Variants in CDCA4 observed in about 807,000 individuals in gnomAD.
CDCA4 encodes the protein cell division cycle associated 4, also known as cell division cycle-associated protein 4.
For synonymous variants in CDCA4, 130 were observed against 137.0 expected, an observed-to-expected ratio of 0.95 and a Z score of 0.36; for missense variants, 294 against 322.1, an observed-to-expected ratio of 0.91 and a Z score of 0.67.
intron 1 of CDCA4, 21 bp from the exon 2 acceptor site, chr14:105,011,956 A>T: frequency 6.3e-7 from 1 of 1,576,942 alleles, no homozygotes; most frequent in Non-Finnish European, 8.6e-7. Context: ...CAAGGAAGAC[A>T]CCACTTAGCA....
rs543504371 is a variant in CDCA4, at chr14:105,011,283, G to T, written c.647C>A (p.Ala216Asp). The change falls in exon 2 of 2, where the codon GCC becomes GAC. Residue 216 changes from alanine (A) to aspartate (D), a missense_variant. Ala to Asp is a moderately radical substitution (Grantham distance 126). Transcript: ENST00000336219. ...PCEGLEGLAP[A>D]TPGPSSSCKS... ...GCAGCTGGAGCTAGGGCCTGGGGTG[G>T]CCGGAGCCAAGCCCTCGAGCCCTTC... The T allele has an allele frequency of 1.2e-6, 2 of 1,613,756 alleles. No individual in the cohort carries two copies. The highest frequency in any genetic ancestry group is 1.7e-5 in the Admixed American group (1 of 60,012).
intron 1 of CDCA4, among the ~76,000 whole-genome samples, chr14:105,015,322 G>A (rs1207743521): frequency 1.6e-5 from 1 of 64,290 alleles, no homozygotes; most frequent in African/African-American, 3.6e-5. Flanking sequence ...ATACGTGACC[G>A]TCAGAAATCA....
Position 105,010,047 on chromosome 14 carries a change from A to T in CDCA4, c.*1157T>A, listed in dbSNP as rs1207188502. On this transcript the variant is annotated 3_prime_UTR_variant, in exon 2 of 2. Transcript: ENST00000336219. ...TTTTTGGTTAAGGGGTGAGGAAGTT[A>T]GAGAAAGCATGAGAAACAGGGAGCA... 1 of 152,586 alleles carries T rather than the reference A, an allele frequency of 6.6e-6. No homozygotes were observed. The highest frequency in any genetic ancestry group is 1.5e-5 in the Non-Finnish European group (1 of 68,062). 9.5% of individuals were successfully genotyped at this position (152,586 alleles called of 1,614,324 possible).
chr14:105,017,453 A>G (rs1900682238), intron 1 of CDCA4, among the ~76,000 whole-genome samples: 2 of 151,990 alleles, frequency 1.3e-5, no homozygotes, highest in African/African-American at 4.8e-5. Flanking sequence ...CGAACTCCTG[A>G]CATCAAGTGA....
chr14:105,019,606 G>A (rs1326904477), intron 1 of CDCA4, among the ~76,000 whole-genome samples: 2 of 152,262 alleles, frequency 1.3e-5, no homozygotes, highest in Non-Finnish European at 2.9e-5. Context: ...AGGGAGAAGA[G>A]GAGCAAGGTC....
intron 1 of CDCA4, among the ~76,000 whole-genome samples, chr14:105,019,567 T>C (rs2140912447): frequency 6.6e-6 from 1 of 152,350 alleles, no homozygotes; most frequent in Non-Finnish European, 1.5e-5. Context: ...ACACATCAGA[T>C]AAGCTTTGAA....
chr14:105,013,397 T>G (rs1900557408), intron 1 of CDCA4, among the ~76,000 whole-genome samples: 1 of 152,248 alleles, frequency 6.6e-6, no homozygotes, highest in Non-Finnish European at 1.5e-5. Context: ...TCACGCATGA[T>G]TAAGTTTCTC....
chr14:105,019,638 G>A (rs1253264967), intron 1 of CDCA4, among the ~76,000 whole-genome samples: 1 of 152,230 alleles, frequency 6.6e-6, no homozygotes, highest in Non-Finnish European at 1.5e-5. Flanking sequence ...GTACTGAGTG[G>A]GAGCTCCACC....
At chr14:105,012,050 G>C in intron 1 of CDCA4, 115 bp from the exon 2 acceptor site, 1 of 1,238,142 alleles carries the variant, frequency 8.1e-7, no homozygotes, top group Non-Finnish European at 1.1e-6. Flanking sequence ...CTCCGTAACT[G>C]GCAGGGACTT....
intron 1 of CDCA4, among the ~76,000 whole-genome samples, chr14:105,018,301 C>T (rs115827237): frequency 0.015 from 2,265 of 152,172 alleles, 47 homozygotes; most frequent in African/African-American, 0.051. Flanking sequence ...TATCCCTGTT[C>T]AGTCACTTCA....
chr14:105,020,207 T>C (rs111573891), intron 1 of CDCA4, among the ~76,000 whole-genome samples: 32 of 152,244 alleles, frequency 2.1e-4, no homozygotes, highest in African/African-American at 7.2e-4. Flanking sequence ...CACTTGAAAA[T>C]AGAGTGGTTG....
chr14:105,020,663 C>T (rs1192019201), intron 1 of CDCA4, among the ~76,000 whole-genome samples: 2 of 152,210 alleles, frequency 1.3e-5, no homozygotes, highest in African/African-American at 2.4e-5. Flanking sequence ...CCGCTGCGTA[C>T]CCCAGCCGGG....
chr14:105,012,019 A>G, intron 1 of CDCA4, 84 bp from the exon 2 acceptor site: 4 of 1,474,276 alleles, frequency 2.7e-6, no homozygotes, highest in Non-Finnish European at 3.6e-6. Flanking sequence ...GACTGCCCTC[A>G]CTGTACGCAA....
intron 1 of CDCA4, 23 bp from the exon 2 acceptor site, chr14:105,011,958 C>G (rs748796689): frequency 4.4e-6 from 7 of 1,575,306 alleles, no homozygotes; most frequent in Non-Finnish European, 5.2e-6. Context: ...AGGAAGACAC[C>G]ACTTAGCACA....
intron 1 of CDCA4, among the ~76,000 whole-genome samples, chr14:105,016,142 C>T (rs1357295121): frequency 6.6e-6 from 1 of 152,226 alleles, no homozygotes; most frequent in African/African-American, 2.4e-5. Context: ...TAAACAGCCT[C>T]TGCCTGTTCT....
Position 105,010,882 on chromosome 14 carries a change from A to G in CDCA4, c.*322T>C, listed in dbSNP as rs1245966645. 2.9e-6 allele frequency: 1 copy of G among 347,304 alleles called. No individual in the cohort carries two copies. Among genetic ancestry groups the G allele is most frequent in the Non-Finnish European group, 5.2e-6 (1 of 191,828 alleles). 21.5% of individuals were successfully genotyped at this position (347,304 alleles called of 1,614,324 possible). A position where few individuals can be genotyped will look rare whatever the true frequency, so the allele number is the denominator to read the frequency against. On this transcript the variant is annotated 3_prime_UTR_variant, in exon 2 of 2. Transcript: ENST00000336219. ...TGAATTGTAAAAATTCACCTATCTA[A>G]AGGTAAAAGGAGGTTGATGCAGCTG...
rs555120853 is a variant in CDCA4, at chr14:105,011,623, G to A, written c.307C>T (p.Arg103Cys). The change falls in exon 2 of 2, where the codon CGT (arginine) becomes TGT (cysteine). Residue 103 changes from arginine to cysteine, a missense_variant. Arg to Cys is a radical substitution (Grantham distance 180). Coordinates refer to ENST00000336219, the MANE Select transcript of CDCA4 (RefSeq NM_017955.4). ...GCCCCCTCTTGCCCCCACGCTGCACGGCACAGGATCTCCGTGGAGACCAAG... is the reference window on the plus strand; with the variant it reads ...GCCCCCTCTTGCCCCCACGCTGCACAGCACAGGATCTCCGTGGAGACCAAG... ...DRLVSTEILC[R>C]AAWGQEGAHP... 7.4e-6 allele frequency: 12 copies of A among 1,613,778 alleles called. No individual in the cohort carries two copies. The highest frequency in any genetic ancestry group is 5.5e-5 in the South Asian group (5 of 91,076).
intron 1 of CDCA4, among the ~76,000 whole-genome samples, chr14:105,016,285 C>T (rs779699317): frequency 6.6e-6 from 1 of 152,220 alleles, no homozygotes; most frequent in African/African-American, 2.4e-5. Context: ...CCTTTCCAGT[C>T]GTTTCTCCCA....
chr14:105,011,511 T>C lies in CDCA4; in HGVS notation c.419A>G (p.His140Arg). The C allele has an allele frequency of 6.2e-7, 1 of 1,614,152 alleles. No homozygotes were observed. Among genetic ancestry groups the C allele is most frequent in the South Asian group, 1.1e-5 (1 of 91,090 alleles). Residue 140 changes from histidine (H) to arginine (R), a missense_variant, in exon 2 of 2, where the codon CAC (histidine) becomes CGC (arginine). Coordinates refer to ENST00000336219, the MANE Select transcript of CDCA4 (RefSeq NM_017955.4). ...CATCTCCCAGGCGCTGCTCTGCAGG[T>C]GCCTTGGTGCCTGTGCTGAGGTGAC... is the stretch of plus-strand genomic sequence containing the variant. ...CPVTSAQAPRHLQSSAWEMDG... is the reference protein window; with the variant it reads ...CPVTSAQAPRRLQSSAWEMDG...
Sources: gnomAD v4.1 joint callset for allele counts (sites outside exome capture counted in the v4.1 genomes callset) on GRCh38, gnomAD v4.1.1 for gene constraint, MANE v1.5 for transcripts, NCBI Gene and HGNC (gene_info 2026-07-23, HGNC 2026-07-21) for gene names.